The following ZNF521 variants were observed in gnomAD, a reference collection of about 807,000 sequenced individuals.
The protein encoded by ZNF521 is zinc finger protein 521.
A neutral mutation model predicts 105.5 loss-of-function variants in ZNF521; 14 were observed. The ratio of observed to expected loss-of-function variants is 0.13; its 90% CI spans 0.09 to 0.21. The LOEUF (loss-of-function observed/expected upper bound fraction) is 0.21, where lower values mean the gene tolerates loss of function less well. ZNF521 is among the 10% of genes least tolerant of loss of function. The probability of loss-of-function intolerance (pLI) is 1.00; values close to 1 mark genes in which losing one functional copy is unlikely to be tolerated. For missense variants in ZNF521, 1,233 were observed against 1,629.7 expected, an observed-to-expected ratio of 0.76 and a Z score of 4.19; for synonymous variants, 635 against 606.0, an observed-to-expected ratio of 1.05 and a Z score of -0.70.
At chr18:25,255,604 G>T (rs1908425980) in intron 3 of ZNF521, among the ~76,000 whole-genome samples, 1 of 151,966 alleles carries the variant, frequency 6.6e-6, no homozygotes, top group Non-Finnish European at 1.5e-5. Context: ...TTGCTTCACT[G>T]ATTTATCAAT....
At chr18:25,113,079 G>A (rs1051229997) in intron 5 of ZNF521, among the ~76,000 whole-genome samples, 1 of 151,736 alleles carries the variant, frequency 6.6e-6, no homozygotes, top group African/African-American at 2.4e-5. Context: ...AGGGGAAAGG[G>A]CCTGATTTGC....
intron 5 of ZNF521, among the ~76,000 whole-genome samples, chr18:25,148,573 G>A (rs2034989162): frequency 1.3e-5 from 2 of 151,964 alleles, no homozygotes; most frequent in South Asian, 4.2e-4. Context: ...ATCCTTATGA[G>A]AAATTAAAAA....
At chr18:25,201,272 G>A (rs1243777370) in intron 4 of ZNF521, 1 of 152,006 alleles carries the variant, frequency 6.6e-6, no homozygotes, top group African/African-American at 2.4e-5. Flanking sequence ...CAATCCTCCA[G>A]GTAAAAATCC....
intron 3 of ZNF521, among the ~76,000 whole-genome samples, chr18:25,241,380 T>C (rs1907322064): frequency 6.6e-6 from 1 of 152,198 alleles, no homozygotes; most frequent in South Asian, 2.1e-4. Context: ...CCACAACGCA[T>C]TGCCAGCTCC....
intron 2 of ZNF521, among the ~76,000 whole-genome samples, chr18:25,325,110 T>TATG (rs1279933852): frequency 1.2e-4 from 18 of 152,324 alleles, no homozygotes; most frequent in African/African-American, 3.6e-4. Context: ...GATTATAGCC[T>TATG]ATGATGCCTT....
At chr18:25,198,045 T>C (rs191198229) in intron 4 of ZNF521, among the ~76,000 whole-genome samples, 1 of 152,050 alleles carries the variant, frequency 6.6e-6, no homozygotes, top group Admixed American at 6.6e-5. Context: ...CTTCCATTGT[T>C]TGGGCCCCAG....
chr18:25,142,025 A>G (rs1355042292), intron 5 of ZNF521, among the ~76,000 whole-genome samples: 1 of 152,124 alleles, frequency 6.6e-6, no homozygotes, highest in East Asian at 1.9e-4. Context: ...TGCAAACATC[A>G]TCTTGTGTAG....
intron 6 of ZNF521, among the ~76,000 whole-genome samples, chr18:25,090,517 T>C (rs2033720976): frequency 6.6e-6 from 1 of 152,246 alleles, no homozygotes; most frequent in Admixed American, 6.5e-5. Flanking sequence ...CACTTTATAT[T>C]GGAAGCATTT....
At chr18:25,070,841 A>G (rs1306441865) in intron 7 of ZNF521, among the ~76,000 whole-genome samples, 2 of 152,132 alleles carry the variant, frequency 1.3e-5, no homozygotes, top group African/African-American at 4.8e-5. Context: ...GCATGAATAA[A>G]TGAAAGCTGG....
At chr18:25,185,798 C>T (rs946810033) in intron 5 of ZNF521, among the ~76,000 whole-genome samples, 32 of 151,960 alleles carry the variant, frequency 2.1e-4, no homozygotes, top group African/African-American at 1.7e-4. Context: ...TGGGGAGAAA[C>T]GGAAGAAGAG....
chr18:25,159,003 AG>A, intron 5 of ZNF521, among the ~76,000 whole-genome samples: 1 of 152,174 alleles, frequency 6.6e-6, no homozygotes, highest in African/African-American at 2.4e-5. Context: ...AAATGAAAGA[AG>A]GAAACATCCA....
At chr18:25,168,953 G>C (rs1405686341) in intron 5 of ZNF521, among the ~76,000 whole-genome samples, 2 of 102,062 alleles carry the variant, frequency 2.0e-5, no homozygotes, top group African/African-American at 1.1e-4. Flanking sequence ...TCTGTGTCTG[G>C]GGTGTGTGTG....
intron 3 of ZNF521, among the ~76,000 whole-genome samples, chr18:25,233,455 A>G (rs1261197789): frequency 6.6e-6 from 1 of 152,188 alleles, no homozygotes; most frequent in Non-Finnish European, 1.5e-5. Context: ...TGTGAACTTT[A>G]AAATTATTTA....
chr18:25,187,622 C>G (rs1399041005), intron 5 of ZNF521, among the ~76,000 whole-genome samples: 2 of 152,076 alleles, frequency 1.3e-5, no homozygotes, highest in Non-Finnish European at 2.9e-5. Context: ...TGACTTTATT[C>G]CATCTCTGTG....
At chr18:25,345,578 T>C (rs946376041) in intron 2 of ZNF521, among the ~76,000 whole-genome samples, 1 of 152,248 alleles carries the variant, frequency 6.6e-6, no homozygotes, top group African/African-American at 2.4e-5. Flanking sequence ...GCCCTCACTT[T>C]AGGAAGATGC....
intron 3 of ZNF521, among the ~76,000 whole-genome samples, chr18:25,301,216 T>C (rs550458203): frequency 2.0e-4 from 31 of 152,198 alleles, no homozygotes; most frequent in Middle Eastern, 6.8e-3. Flanking sequence ...AAATATCCAG[T>C]AGAGCAAGAA....
chr18:25,219,972 C>T (rs1905598041), intron 4 of ZNF521, among the ~76,000 whole-genome samples: 1 of 152,266 alleles, frequency 6.6e-6, no homozygotes, highest in South Asian at 2.1e-4. Context: ...CCACCAGCTC[C>T]CAAAGGTCCC....
chr18:25,226,583 G>A lies in ZNF521; in HGVS notation c.1335C>T (p.Val445=), dbSNP rs755366386. ...CATTTAGGTTATAGAGTGAGGGCAGGACCTCCAAGCAATACTGACAAATAT... is the reference window on the plus strand; with the variant it reads ...CATTTAGGTTATAGAGTGAGGGCAGAACCTCCAAGCAATACTGACAAATAT... ...QAHICQYCLE[V]LPSLYNLNEH... The change falls in exon 4 of 8, where the codon GTC becomes GTT. Residue 445 remains valine (V), a synonymous_variant. Coordinates refer to ENST00000361524, the MANE Select transcript of ZNF521 (RefSeq NM_015461.3). The surrounding 1 kb of genome is among the most constrained non-coding windows in gnomAD (Gnocchi z 4.1). The A allele has an allele frequency of 3.7e-6, 6 of 1,614,126 alleles. No individual in the cohort carries two copies. The East Asian group carries it at 1.3e-4, about 36-fold the overall frequency.
intron 5 of ZNF521, among the ~76,000 whole-genome samples, chr18:25,149,932 T>C (rs1015280671): frequency 6.6e-6 from 1 of 152,122 alleles, no homozygotes; most frequent in African/African-American, 2.4e-5. Context: ...TACAGACACC[T>C]CCATCAAAAC....
Sources: gnomAD v4.1 joint callset for allele counts (sites outside exome capture counted in the v4.1 genomes callset) on GRCh38, gnomAD v4.1.1 for gene constraint, Gnocchi (gnomAD v3.1) non-coding constraint, MANE v1.5 for transcripts, NCBI Gene and HGNC (gene_info 2026-07-23, HGNC 2026-07-21) for gene names.